Variants in TYSND1 observed in about 807,000 individuals in gnomAD.
TYSND1 encodes trypsin like peroxisomal matrix peptidase 1.
Under a neutral mutation model 37.2 loss-of-function variants are expected in TYSND1, and 30 were observed. That is an observed-to-expected ratio of 0.81 (90% CI 0.60 to 1.09). The LOEUF is 1.09. Among genes scored for constraint, TYSND1 ranks in the 50% least tolerant of loss-of-function variants. The probability of loss-of-function intolerance (pLI) is 0.00; values close to 1 mark genes in which losing one functional copy is unlikely to be tolerated. For missense variants in TYSND1, 806 were observed against 817.4 expected (o/e 0.99, Z 0.17); for synonymous variants, 364 against 383.8 (o/e 0.95, Z 0.60).
chr10:70,140,246 G>C, intron 3 of TYSND1, 105 bp from the exon 4 acceptor site: 1 of 896,938 alleles, frequency 1.1e-6, no homozygotes, highest in East Asian at 2.7e-5. Flanking sequence ...GCCTGGTAGG[G>C]CTGGATACCA....
intron 3 of TYSND1, among the ~76,000 whole-genome samples, chr10:70,142,084 T>C (rs766437832): frequency 6.6e-6 from 1 of 152,156 alleles, no homozygotes; most frequent in Admixed American, 6.5e-5. Context: ...TGGACTGGAG[T>C]TGGAGGTTTC....
intron 2 of TYSND1, 54 bp from the exon 3 acceptor site, chr10:70,142,907 T>G: frequency 6.3e-7 from 1 of 1,583,042 alleles, no homozygotes; most frequent in Non-Finnish European, 8.6e-7. Flanking sequence ...ACAGCAGGAC[T>G]CACACTCCCT....
rs559371105 is a variant in TYSND1, at chr10:70,142,652, C to G, written c.1483+16G>C. On this transcript the variant is annotated intron_variant, in intron 3 of 3. Transcript: ENST00000287078. ...TGGCAAGTGGGAGGGCGGGAGGGGG[C>G]CAAAGAGCTGGTTACCAAGGAGGTT... 3 of 1,544,058 alleles carry G rather than the reference C, an allele frequency of 1.9e-6. No homozygotes were observed. The highest frequency in any genetic ancestry group is 2.0e-5 in the Admixed American group (1 of 51,128).
chr10:70,146,690 G>A lies in TYSND1; in HGVS notation c.-104C>T, dbSNP rs1322070049. ...AAGCTGCCTAGCGCCACCCACAGCTGGAAGCGAGAGGCGCAAGCTCTGACT... is the reference window on the plus strand; with the variant it reads ...AAGCTGCCTAGCGCCACCCACAGCTAGAAGCGAGAGGCGCAAGCTCTGACT... On this transcript the variant is annotated 5_prime_UTR_variant, in exon 1 of 4. Transcript: ENST00000287078. 3 of 1,181,538 alleles carry A rather than the reference G, an allele frequency of 2.5e-6. No individual in the cohort carries two copies. The African/African-American group carries it at 4.8e-5, about 19-fold the overall frequency. The allele number at this position is 1,181,538 out of a possible 1,614,324, so 73.2% of individuals were successfully genotyped here.
chr10:70,142,763 A>G lies in TYSND1; in HGVS notation c.1388T>C (p.Val463Ala), dbSNP rs776023322. ...TSGILSAVVQ[V>A]NGTPVMLQTT... ...CTGCAGCATTACGGGCGTGCCATTCACCTGCACCACAGCCGAAAGGATGCC... is the reference window on the plus strand; with the variant it reads ...CTGCAGCATTACGGGCGTGCCATTCGCCTGCACCACAGCCGAAAGGATGCC... The change falls in exon 3 of 4, where the codon GTG becomes GCG. Residue 463 changes from valine (V) to alanine (A), a missense_variant. Val to Ala is a moderately conservative substitution (Grantham distance 64). This residue lies in a region of TYSND1 where 708 missense variants were observed against 705.4 expected (regional missense o/e 1.00). Coordinates refer to ENST00000287078, the MANE Select transcript of TYSND1 (RefSeq NM_173555.4). The G allele has an allele frequency of 6.2e-7, 1 of 1,614,076 alleles. No individual in the cohort carries two copies. Among genetic ancestry groups the G allele is most frequent in the Non-Finnish European group, 8.5e-7 (1 of 1,179,980 alleles).
rs575493474 is a variant in TYSND1 at position 70,142,539 on chromosome 10, G to C, written c.1483+129C>G. The C allele has an allele frequency of 3.8e-5, 33 of 862,048 alleles. 1 individual carries two copies. The East Asian group carries it at 8.6e-4, about 22-fold the overall frequency. 53.4% of individuals were successfully genotyped at this position (862,048 alleles called of 1,614,324 possible). ...TCAGGAGAACAGCCTGCAAACCTTC[G>C]CTAGCTCACTCATAATGCCCACCAT... is the stretch of plus-strand genomic sequence containing the variant. On this transcript the variant is annotated intron_variant, in intron 3 of 3. Transcript: ENST00000287078.
chr10:70,146,688 C>G lies in TYSND1; in HGVS notation c.-102G>C, dbSNP rs995739321. On this transcript the variant is annotated 5_prime_UTR_variant, in exon 1 of 4. Transcript: ENST00000287078. Reference sequence around the variant, plus strand: ...TGAAGCTGCCTAGCGCCACCCACAGCTGGAAGCGAGAGGCGCAAGCTCTGA... The same window carrying G: ...TGAAGCTGCCTAGCGCCACCCACAGGTGGAAGCGAGAGGCGCAAGCTCTGA... 8.1e-7 allele frequency: 1 copy of G among 1,233,826 alleles called. No homozygotes were observed. The highest frequency in any genetic ancestry group is 1.1e-6 in the Non-Finnish European group (1 of 934,686). 76.4% of individuals were successfully genotyped at this position (1,233,826 alleles called of 1,614,324 possible).
chr10:70,144,038 G>T, intron 1 of TYSND1, 66 bp from the exon 2 acceptor site: 3 of 1,599,754 alleles, frequency 1.9e-6, no homozygotes, highest in Non-Finnish European at 2.6e-6. Context: ...AGAAATCAAG[G>T]AGCTGAGAGT....
chr10:70,145,601 C>T lies in TYSND1; in HGVS notation c.986G>A (p.Gly329Asp). 1 of 1,446,174 alleles carries T rather than the reference C, an allele frequency of 6.9e-7. No homozygotes were observed. The highest frequency in any genetic ancestry group is 9.1e-7 in the Non-Finnish European group (1 of 1,104,674). The allele number at this position is 1,446,174 out of a possible 1,614,324, so 89.6% of individuals were successfully genotyped here. Residue 329 changes from glycine to aspartate, a missense_variant, in exon 1 of 4, where the codon GGC becomes GAC. Coordinates refer to ENST00000287078, the MANE Select transcript of TYSND1 (RefSeq NM_173555.4). ...TCGGAGGGGCAGACCCCACGGGACGCCCACCTCTGGCGGCAGAAGGGCGGC... is the reference window on the plus strand; with the variant it reads ...TCGGAGGGGCAGACCCCACGGGACGTCCACCTCTGGCGGCAGAAGGGCGGC... ...ALAALLPPEV[G>D]VPWGLPLRDS...
intron 2 of TYSND1, among the ~76,000 whole-genome samples, 183 bp from the exon 3 acceptor site, chr10:70,143,036 C>A (rs938126377): frequency 6.6e-6 from 1 of 152,232 alleles, no homozygotes; most frequent in Admixed American, 6.5e-5. Flanking sequence ...AGGCTGAGAA[C>A]TCCACTGAGC....
At chr10:70,144,262 G>T in intron 1 of TYSND1, 1 of 390,016 alleles carries the variant, frequency 2.6e-6, no homozygotes, top group Admixed American at 4.4e-5. Flanking sequence ...ACTTTATTTA[G>T]TCTTCACGAC....
chr10:70,140,210 A>C, intron 3 of TYSND1, 69 bp from the exon 4 acceptor site: 3 of 1,310,930 alleles, frequency 2.3e-6, no homozygotes, highest in Non-Finnish European at 3.2e-6. Context: ...AGGGAGGAGG[A>C]CCATCTCCAC....
chr10:70,139,703 A>G lies in TYSND1; in HGVS notation c.*221T>C, dbSNP rs922312453. ...CTAGGGGACAGAGAACTGGGGGCTC[A>G]AGAAAGCACCCCAAAACGGGCTGCC... On this transcript the variant is annotated 3_prime_UTR_variant, in exon 4 of 4. Transcript: ENST00000287078. 3 of 542,248 alleles carry G rather than the reference A, an allele frequency of 5.5e-6. No homozygotes were observed. In the African/African-American group the frequency reaches 5.7e-5, roughly 10 times the overall value. The allele number at this position is 542,248 out of a possible 1,614,324, so 33.6% of individuals were successfully genotyped here.
At chr10:70,145,299 A>T in intron 1 of TYSND1, 122 bp downstream of exon 1, 1 of 973,776 alleles carries the variant, frequency 1.0e-6, no homozygotes. Context: ...GTCTCTACCC[A>T]CTACACGCCC....
Position 70,146,497 on chromosome 10 carries a change from G to T in TYSND1, c.90C>A (p.Gly30=), listed in dbSNP as rs527409953. The change falls in exon 1 of 4, where the codon GGC becomes GGA. Residue 30 remains glycine (G), a synonymous_variant. Transcript: ENST00000287078. ...GGATTACCCCGCTGCAGCTCCACGG[G>T]CCCGCCTCGGGCTGTCCGGCCCGGG... is the stretch of plus-strand genomic sequence containing the variant. ...SASRAGQPEA[G]PWSCSGVILS... 2 of 1,593,724 alleles carry T rather than the reference G, an allele frequency of 1.3e-6. No homozygotes were observed. Among genetic ancestry groups the T allele is most frequent in the African/African-American group, 1.3e-5 (1 of 74,440 alleles).
chr10:70,146,546 T>C lies in TYSND1; in HGVS notation c.41A>G (p.Gln14Arg). Residue 14 changes from glutamine (Q) to arginine (R), a missense_variant, in exon 1 of 4, where the codon CAG becomes CGG. Transcript: ENST00000287078. ...QWGSAMRAAE[Q>R]AGCMVSASRA... ...GGAGGCGCTCACCATGCAGCCCGCC[T>C]GCTCGGCCGCCCTCATGGCAGACCC... 2 of 1,581,070 alleles carry C rather than the reference T, an allele frequency of 1.3e-6. No homozygotes were observed. Among genetic ancestry groups the C allele is most frequent in the Non-Finnish European group, 1.7e-6 (2 of 1,171,790 alleles).
At position 70,146,629 on chromosome 10, in the gene TYSND1, A is replaced by C. The variant is rs761640891; in HGVS notation, c.-43T>G. 11 of 1,457,478 alleles carry C rather than the reference A, an allele frequency of 7.5e-6. No homozygotes were observed. The highest frequency in any genetic ancestry group is 9.9e-6 in the Non-Finnish European group (11 of 1,111,170). 90.3% of individuals were successfully genotyped at this position (1,457,478 alleles called of 1,614,324 possible). A position where few individuals can be genotyped will look rare whatever the true frequency, so the allele number is the denominator to read the frequency against. On this transcript the variant is annotated 5_prime_UTR_variant, in exon 1 of 4. Transcript: ENST00000287078. ...CTCGGGAGCTTCTCCGAGAAACAGC[A>C]AGCTAGCGAGCGAGGACCCCTACCC...
Position 70,142,658 on chromosome 10 carries a change from A to G in TYSND1, c.1483+10T>C. On this transcript the variant is annotated intron_variant, in intron 3 of 3. Transcript: ENST00000287078. ...GTGGGAGGGCGGGAGGGGGCCAAAG[A>G]GCTGGTTACCAAGGAGGTTTCCTGA... 1 of 1,554,680 alleles carries G rather than the reference A, an allele frequency of 6.4e-7. No individual in the cohort carries two copies. Among genetic ancestry groups the G allele is most frequent in the South Asian group, 1.2e-5 (1 of 84,886 alleles).
In TYSND1 at chr10:70,146,422, G is replaced by A; in HGVS notation, c.165C>T (p.Pro55=). 6.2e-7 allele frequency: 1 copy of A among 1,601,580 alleles called. No homozygotes were observed. The change falls in exon 1 of 4, where the codon CCC becomes CCT. Residue 55 remains proline (P), a synonymous_variant. Coordinates refer to ENST00000287078, the MANE Select transcript of TYSND1 (RefSeq NM_173555.4). ...LVLCHGGIFV[P]FLRAGSEVLT... ...GGACTTCGCTGCCAGCTCGCAGGAA[G>A]GGGACGAAGATGCCCCCGTGGCAAA...
Sources: allele counts gnomAD v4.1 joint callset (sites outside exome capture counted in the v4.1 genomes callset), GRCh38; gene constraint gnomAD v4.1.1; regional missense constraint gnomAD v4.1.1; transcripts MANE v1.5; gene names NCBI Gene and HGNC (gene_info 2026-07-23, HGNC 2026-07-21).